Variants in CTNNA3 observed in about 807,000 individuals in gnomAD.
The protein encoded by CTNNA3 is catenin alpha 3, also known as catenin alpha-3.
A neutral mutation model predicts 95.7 loss-of-function variants in CTNNA3; 76 were observed. The ratio of observed to expected loss-of-function variants is 0.79; its 90% CI spans 0.66 to 0.96. CTNNA3 has a LOEUF of 0.96. Ranked by LOEUF, CTNNA3 falls within the 40% of genes least tolerant of loss-of-function variation. The probability of loss-of-function intolerance (pLI) is 0.00; values close to 1 mark genes in which losing one functional copy is unlikely to be tolerated. For missense variants in CTNNA3, 1,191 were observed against 1,089.8 expected, an observed-to-expected ratio of 1.09 and a Z score of -1.31; for synonymous variants, 431 against 374.4, an observed-to-expected ratio of 1.15 and a Z score of -1.74.
intron 10 of CTNNA3, among the ~76,000 whole-genome samples, chr10:66,558,916 T>C (rs1466657655): frequency 1.8e-4 from 28 of 152,102 alleles, no homozygotes; most frequent in Admixed American, 1.8e-3. Flanking sequence ...AATCCAAATG[T>C]CTTTTTATAT....
chr10:66,621,893 A>C (rs1844764355), intron 9 of CTNNA3, 109 bp from the exon 10 acceptor site: 1 of 564,674 alleles, frequency 1.8e-6, no homozygotes, highest in East Asian at 3.2e-5. Context: ...CTCAATGACA[A>C]ATAACATTCT....
intron 7 of CTNNA3, among the ~76,000 whole-genome samples, chr10:67,116,876 G>A (rs943457136): frequency 6.6e-6 from 1 of 151,450 alleles, no homozygotes. Context: ...CATATATATT[G>A]TTGAGTCTAC....
intron 14 of CTNNA3, among the ~76,000 whole-genome samples, chr10:66,074,443 C>T (rs900631782): frequency 7.9e-5 from 12 of 151,770 alleles, no homozygotes; most frequent in African/African-American, 2.9e-4. Context: ...CAATCTCATC[C>T]CATCTTACTT....
At chr10:67,420,956 T>C (rs1845728915) in intron 5 of CTNNA3, among the ~76,000 whole-genome samples, 2 of 152,172 alleles carry the variant, frequency 1.3e-5, no homozygotes, top group African/African-American at 4.8e-5. Context: ...AATTTACTTA[T>C]AATAAAATAA....
chr10:66,865,213 C>CGTGTGTGTGTGT lies in CTNNA3; in HGVS notation c.1048-89701_1048-89690dup, dbSNP rs3055786. Among the ~76,000 whole-genome samples the CGTGTGTGTGTGT allele has an allele frequency of 4.0e-3, 570 of 143,922 alleles. 3 individuals are homozygous for CGTGTGTGTGTGT. The highest frequency in any genetic ancestry group is 0.014 in the African/African-American group (532 of 37,864). The allele number at this position is 143,922 out of a possible 152,430, so 94.4% of individuals were successfully genotyped here. A position where few individuals can be genotyped will look rare whatever the true frequency, so the allele number is the denominator to read the frequency against. On this transcript the variant is annotated intron_variant, in intron 7 of 17. Coordinates refer to ENST00000433211, the MANE Select transcript of CTNNA3 (RefSeq NM_013266.4). ...AACAGGCATGGGGTGTGTGTGTGTG[C>CGTGTGTGTGTGT]GTGTGTGTGTGTGTGTGTGTGTGTG...
intron 5 of CTNNA3, among the ~76,000 whole-genome samples, chr10:67,354,942 T>A (rs535639317): frequency 6.6e-6 from 1 of 152,104 alleles, no homozygotes; most frequent in African/African-American, 2.4e-5. Context: ...TACACCTATG[T>A]GTAGGTGATA....
rs543017817 is a variant in CTNNA3 at position 65,993,102 on chromosome 10, G to A, written c.2160-4305C>T. 7.2e-5 allele frequency among the ~76,000 whole-genome samples: 11 copies of A among 152,224 alleles called. No individual in the cohort carries two copies. In the South Asian group the frequency reaches 2.3e-3, roughly 32 times the overall value. ...GTTTTATTTGATTGTGGCATAGGAG[G>A]ACACTTGGTATGCTATTAACTTTTA... is the stretch of plus-strand genomic sequence containing the variant. On this transcript the variant is annotated intron_variant, in intron 15 of 17. Transcript: ENST00000433211.
At chr10:66,690,407 G>A (rs1847476969) in intron 9 of CTNNA3, among the ~76,000 whole-genome samples, 1 of 151,496 alleles carries the variant, frequency 6.6e-6, no homozygotes, top group Non-Finnish European at 1.5e-5. Flanking sequence ...CATGTGCCAT[G>A]CTGGTGTGCT....
intron 7 of CTNNA3, among the ~76,000 whole-genome samples, chr10:67,133,235 A>G (rs1161243052): frequency 6.7e-6 from 1 of 148,912 alleles, no homozygotes; most frequent in African/African-American, 2.5e-5. Context: ...TTAAAAAGCA[A>G]GGAAAGGATA....
chr10:67,163,405 C>T (rs918090826), intron 7 of CTNNA3, among the ~76,000 whole-genome samples: 1 of 151,842 alleles, frequency 6.6e-6, no homozygotes, highest in Admixed American at 6.6e-5. Flanking sequence ...ATTTATCTGA[C>T]AAAATTCAAC....
At chr10:67,194,362 T>C (rs1863253416) in intron 6 of CTNNA3, among the ~76,000 whole-genome samples, 1 of 151,886 alleles carries the variant, frequency 6.6e-6, no homozygotes, top group African/African-American at 2.4e-5. Context: ...ATCCAGACAA[T>C]GGAATATTAC....
At chr10:67,376,018 G>T (rs1273201458) in intron 5 of CTNNA3, among the ~76,000 whole-genome samples, 1 of 152,110 alleles carries the variant, frequency 6.6e-6, no homozygotes, top group Admixed American at 6.5e-5. Context: ...GAGCAGGAAG[G>T]CACTGTCTAT....
chr10:66,034,012 T>C (rs1474122497), intron 15 of CTNNA3, among the ~76,000 whole-genome samples: 2 of 152,120 alleles, frequency 1.3e-5, no homozygotes, highest in South Asian at 4.1e-4. Flanking sequence ...ATCTGTAAAA[T>C]ATTAACAGTA....
At chr10:66,271,323 G>C (rs2091276168) in intron 13 of CTNNA3, among the ~76,000 whole-genome samples, 3 of 152,054 alleles carry the variant, frequency 2.0e-5, no homozygotes, top group Admixed American at 6.6e-5. Context: ...TCTCCAGAAG[G>C]CTGATTCAAC....
intron 7 of CTNNA3, among the ~76,000 whole-genome samples, chr10:67,175,622 T>C (rs999864860): frequency 6.6e-6 from 1 of 152,160 alleles, no homozygotes; most frequent in Non-Finnish European, 1.5e-5. Flanking sequence ...TGCATGGAGC[T>C]CAGATCTGAC....
At chr10:67,601,535 C>T (rs563371953) in intron 3 of CTNNA3, among the ~76,000 whole-genome samples, 14 of 152,182 alleles carry the variant, frequency 9.2e-5, no homozygotes, top group African/African-American at 2.9e-4. Context: ...TACCGGTCCA[C>T]GACCCAGGGT....
intron 15 of CTNNA3, among the ~76,000 whole-genome samples, chr10:66,024,667 A>G (rs1781354655): frequency 6.6e-6 from 1 of 152,246 alleles, no homozygotes. Context: ...AATGTAAACA[A>G]TGGCTGGATT....
intron 13 of CTNNA3, among the ~76,000 whole-genome samples, chr10:66,277,934 AAC>A (rs2091427765): frequency 6.6e-6 from 1 of 151,960 alleles, no homozygotes; most frequent in Non-Finnish European, 1.5e-5. Flanking sequence ...TAATGCTCTT[AAC>A]TGAATCTCTC....
At chr10:66,904,170 A>T (rs1002372929) in intron 7 of CTNNA3, among the ~76,000 whole-genome samples, 1 of 152,236 alleles carries the variant, frequency 6.6e-6, no homozygotes, top group African/African-American at 2.4e-5. Flanking sequence ...GTACCAAAAC[A>T]GATATATAGA....
Sources: gnomAD v4.1 joint callset for allele counts (sites outside exome capture counted in the v4.1 genomes callset) on GRCh38, gnomAD v4.1.1 for gene constraint, MANE v1.5 for transcripts, NCBI Gene and HGNC (gene_info 2026-07-23, HGNC 2026-07-21) for gene names.